SND1: variants seen among roughly 807,000 people sequenced by gnomAD.
SND1 encodes the protein staphylococcal nuclease domain-containing protein 1.
In SND1, 38 loss-of-function variants were observed where a neutral mutation model predicts 121.7. The ratio of observed to expected loss-of-function variants is 0.31; its 90% CI spans 0.24 to 0.41. SND1 has a LOEUF of 0.41. SND1 is among the 10% of genes least tolerant of loss of function. The pLI is 1.00. For missense variants in SND1, 868 were observed against 1,184.6 expected (o/e 0.73, Z 3.92); for synonymous variants, 401 against 447.4 (o/e 0.90, Z 1.31).
intron 2 of SND1, chr7:127,692,667 A>G (rs1221726741): frequency 2.0e-5 from 3 of 152,142 alleles, no homozygotes; most frequent in Non-Finnish European, 4.4e-5. Flanking sequence ...TTCTTAACTA[A>G]TATCTTGTCC....
intron 12 of SND1, among the ~76,000 whole-genome samples, chr7:127,854,810 G>A (rs950124811): frequency 2.0e-5 from 3 of 151,870 alleles, no homozygotes; most frequent in South Asian, 2.1e-4. Flanking sequence ...AGGGGAATAG[G>A]AATGGAGTTT....
intron 15 of SND1, among the ~76,000 whole-genome samples, chr7:127,967,320 C>T (rs1429677503): frequency 6.6e-6 from 1 of 152,212 alleles, no homozygotes; most frequent in Non-Finnish European, 1.5e-5. Flanking sequence ...CACCTTGATG[C>T]TTCATGCACA....
intron 11 of SND1, among the ~76,000 whole-genome samples, chr7:127,828,577 T>C (rs1218726847): frequency 2.6e-5 from 4 of 152,216 alleles, no homozygotes; most frequent in Non-Finnish European, 5.9e-5. Flanking sequence ...CTTCTTTTAC[T>C]GCCTGGGCAT....
chr7:127,936,905 C>T (rs1801073394), intron 15 of SND1, among the ~76,000 whole-genome samples: 1 of 152,142 alleles, frequency 6.6e-6, no homozygotes, highest in African/African-American at 2.4e-5. Flanking sequence ...TTACTATGAA[C>T]TTTATATTGA....
intron 11 of SND1, among the ~76,000 whole-genome samples, chr7:127,812,129 A>G (rs1319729854): frequency 1.3e-5 from 2 of 152,216 alleles, no homozygotes; most frequent in African/African-American, 2.4e-5. Flanking sequence ...TTTAATTGCT[A>G]TGCTGAATTA....
At chr7:127,769,344 A>G (rs1041478033) in intron 10 of SND1, among the ~76,000 whole-genome samples, 1 of 152,190 alleles carries the variant, frequency 6.6e-6, no homozygotes, top group Non-Finnish European at 1.5e-5. Context: ...AGGGAGACGG[A>G]TGCTCATCTT....
At chr7:128,030,177 C>T (rs1173588157) in intron 16 of SND1, 1 of 1,614,088 alleles carries the variant, frequency 6.2e-7, no homozygotes. Flanking sequence ...GGGGTTGTTG[C>T]GAAGCCAGAG....
chr7:127,873,642 T>C (rs1799637004), intron 12 of SND1, among the ~76,000 whole-genome samples: 1 of 152,136 alleles, frequency 6.6e-6, no homozygotes, highest in Non-Finnish European at 1.5e-5. Context: ...TATTTTGTTT[T>C]GTTTTGTGTT....
chr7:127,882,941 T>TCTAA (rs1264818585), intron 12 of SND1, among the ~76,000 whole-genome samples: 6 of 152,144 alleles, frequency 3.9e-5, no homozygotes, highest in African/African-American at 1.4e-4. Flanking sequence ...ACCTTGGAAG[T>TCTAA]CTAACAGTAA....
At chr7:127,817,232 G>A (rs1202083768) in intron 11 of SND1, among the ~76,000 whole-genome samples, 2 of 152,184 alleles carry the variant, frequency 1.3e-5, no homozygotes, top group Non-Finnish European at 1.5e-5. Context: ...TGTATCACTT[G>A]ATGGTATTTG....
chr7:128,041,587 T>A (rs182607445), intron 16 of SND1, among the ~76,000 whole-genome samples: 2 of 152,306 alleles, frequency 1.3e-5, no homozygotes, highest in East Asian at 3.9e-4. Flanking sequence ...GTGAACATGA[T>A]CTAAACGTGC....
chr7:128,043,898 C>T (rs954043397), intron 16 of SND1, among the ~76,000 whole-genome samples: 3 of 150,612 alleles, frequency 2.0e-5, no homozygotes, highest in Non-Finnish European at 2.9e-5. Context: ...ACGTAATAAA[C>T]GTTGCAACAC....
intron 12 of SND1, among the ~76,000 whole-genome samples, chr7:127,886,278 C>A (rs1268370072): frequency 6.6e-6 from 1 of 151,790 alleles, no homozygotes; most frequent in Non-Finnish European, 1.5e-5. Flanking sequence ...TTCCTCCTTG[C>A]TCTACCAACA....
chr7:127,887,247 C>T (rs541044824), intron 12 of SND1, among the ~76,000 whole-genome samples: 2 of 152,150 alleles, frequency 1.3e-5, no homozygotes, highest in Admixed American at 6.5e-5. Flanking sequence ...TCCCAGCGCC[C>T]GGGCCTCCCA....
At chr7:127,879,894 G>A (rs1388851258) in intron 12 of SND1, among the ~76,000 whole-genome samples, 3 of 152,174 alleles carry the variant, frequency 2.0e-5, no homozygotes, top group Non-Finnish European at 2.9e-5. Context: ...TTACCATAAA[G>A]AATATGTAAT....
At chr7:127,794,255 T>C (rs1797969177) in intron 10 of SND1, among the ~76,000 whole-genome samples, 1 of 152,210 alleles carries the variant, frequency 6.6e-6, no homozygotes, top group Admixed American at 6.5e-5. Context: ...GGCATCCTGA[T>C]TTAGACCTTG....
At chr7:127,919,241 A>G (rs1254170885) in intron 14 of SND1, among the ~76,000 whole-genome samples, 3 of 152,160 alleles carry the variant, frequency 2.0e-5, no homozygotes, top group Non-Finnish European at 4.4e-5. Context: ...TTTTTATATT[A>G]TAGGTTACTT....
At chr7:127,750,712 G>A (rs1419218880) in intron 10 of SND1, among the ~76,000 whole-genome samples, 2 of 152,062 alleles carry the variant, frequency 1.3e-5, no homozygotes, top group African/African-American at 2.4e-5. Flanking sequence ...ATGCCCAAAC[G>A]TTTCAGATTT....
At chr7:127,711,827 T>C (rs1020219016) in intron 9 of SND1, among the ~76,000 whole-genome samples, 9 of 152,124 alleles carry the variant, frequency 5.9e-5, no homozygotes, top group Admixed American at 2.6e-4. Context: ...CATGATACTG[T>C]TTTATTTTTT....
Sources: gnomAD v4.1 joint callset for allele counts (sites outside exome capture counted in the v4.1 genomes callset) on GRCh38, gnomAD v4.1.1 for gene constraint, MANE v1.5 for transcripts, NCBI Gene and HGNC (gene_info 2026-07-23, HGNC 2026-07-21) for gene names.